HS3ST3B1: variants seen among roughly 807,000 people sequenced by gnomAD.
The protein encoded by HS3ST3B1 is heparan sulfate glucosamine 3-O-sulfotransferase 3B1.
A neutral mutation model predicts 21.3 loss-of-function variants in HS3ST3B1; 13 were observed. The ratio of observed to expected loss-of-function variants is 0.61; its 90% CI spans 0.40 to 0.97. The LOEUF is 0.97. Ranked by LOEUF, HS3ST3B1 falls within the 50% of genes least tolerant of loss-of-function variation. The pLI is 0.00. For synonymous variants in HS3ST3B1, 234 were observed against 254.8 expected (o/e 0.92, Z 0.78); for missense variants, 459 against 554.8 (o/e 0.83, Z 1.73).
chr17:14,307,474 A>G (rs1909172892), intron 1 of HS3ST3B1, among the ~76,000 whole-genome samples: 1 of 151,986 alleles, frequency 6.6e-6, no homozygotes, highest in Non-Finnish European at 1.5e-5. Context: ...CATTCCACAT[A>G]TGTATGCTGA....
chr17:14,322,073 C>T (rs1389662962), intron 1 of HS3ST3B1, among the ~76,000 whole-genome samples: 1 of 146,536 alleles, frequency 6.8e-6, no homozygotes, highest in African/African-American at 2.5e-5. Flanking sequence ...AAACCCAAAC[C>T]TTTTTTTTTT....
At chr17:14,304,951 T>C (rs1178307773) in intron 1 of HS3ST3B1, 3 of 152,204 alleles carry the variant, frequency 2.0e-5, no homozygotes, top group Non-Finnish European at 4.4e-5. Context: ...AGCCTGCTAG[T>C]GGCCTAACCA....
intron 1 of HS3ST3B1, among the ~76,000 whole-genome samples, chr17:14,337,067 A>G (rs1428367705): frequency 1.3e-5 from 2 of 152,162 alleles, no homozygotes; most frequent in South Asian, 4.1e-4. Context: ...ATACAAGCAT[A>G]AATTAGACAA....
At chr17:14,340,858 C>T (rs1910356135) in intron 1 of HS3ST3B1, among the ~76,000 whole-genome samples, 1 of 152,198 alleles carries the variant, frequency 6.6e-6, no homozygotes, top group Non-Finnish European at 1.5e-5. Flanking sequence ...GCTGGGATTC[C>T]AGGCGTGAGC....
chr17:14,301,335 C>T lies in HS3ST3B1; in HGVS notation c.-184C>T. ...CGGGCAACATGTCAAGAGCCGCCGC[C>T]GCTACAGCTGCCGCCGCCACCTGGG... On this transcript the variant is annotated 5_prime_UTR_variant, in exon 1 of 2. Transcript: ENST00000360954. 1.9e-6 allele frequency: 1 copy of T among 516,412 alleles called. No individual in the cohort carries two copies. The highest frequency in any genetic ancestry group is 3.2e-6 in the Non-Finnish European group (1 of 307,996). 32.0% of individuals were successfully genotyped at this position (516,412 alleles called of 1,614,324 possible).
Position 14,301,465 on chromosome 17 carries a change from C to A in HS3ST3B1, c.-54C>A, listed in dbSNP as rs1908914605. 1.5e-6 allele frequency: 2 copies of A among 1,375,594 alleles called. No individual in the cohort carries two copies. The highest frequency in any genetic ancestry group is 1.5e-5 in the African/African-American group (1 of 65,772). 85.2% of individuals were successfully genotyped at this position (1,375,594 alleles called of 1,614,324 possible). On this transcript the variant is annotated 5_prime_UTR_variant, in exon 1 of 2. Transcript: ENST00000360954. ...AACCCTCTCTGCGCTCACTGCCCGG[C>A]GGGACCCACGCCATGTGCTGAGCCA...
At chr17:14,342,071 G>A (rs1910402381) in intron 1 of HS3ST3B1, among the ~76,000 whole-genome samples, 1 of 152,180 alleles carries the variant, frequency 6.6e-6, no homozygotes, top group African/African-American at 2.4e-5. Flanking sequence ...CAGTCTGCAA[G>A]AAGGAGTGCC....
intron 1 of HS3ST3B1, among the ~76,000 whole-genome samples, chr17:14,333,400 A>G (rs1296914585): frequency 1.3e-5 from 2 of 151,730 alleles, no homozygotes; most frequent in Non-Finnish European, 2.9e-5. Context: ...CCGGGGAGGC[A>G]CAGGTGGCAG....
intron 1 of HS3ST3B1, among the ~76,000 whole-genome samples, chr17:14,336,309 T>C (rs1384416482): frequency 2.0e-5 from 3 of 152,180 alleles, no homozygotes; most frequent in African/African-American, 7.2e-5. Context: ...GTTCAAACAG[T>C]AACTTCAATT....
chr17:14,335,937 C>A (rs550577667), intron 1 of HS3ST3B1, among the ~76,000 whole-genome samples: 63 of 152,242 alleles, frequency 4.1e-4, no homozygotes, highest in Non-Finnish European at 7.2e-4. Flanking sequence ...ATTCTTGGAA[C>A]TGGACACCAA....
chr17:14,345,240 T>C lies in HS3ST3B1; in HGVS notation c.767T>C (p.Phe256Ser), dbSNP rs1200242194. 7.4e-7 allele frequency: 1 copy of C among 1,356,464 alleles called. No individual in the cohort carries two copies. The highest frequency in any genetic ancestry group is 1.4e-5 in the African/African-American group (1 of 71,506). The allele number at this position is 1,356,464 out of a possible 1,614,324, so 84.0% of individuals were successfully genotyped here. The change falls in exon 2 of 2, where the codon TTC becomes TCC. Residue 256 changes from phenylalanine (F) to serine (S), a missense_variant. This residue lies in a region of HS3ST3B1 where 127 missense variants were observed against 209.9 expected (regional missense o/e 0.60). Coordinates refer to ENST00000360954, the MANE Select transcript of HS3ST3B1 (RefSeq NM_006041.3). ...PDIPTFESLTFKNRTAGLIDT... is the reference protein window; with the variant it reads ...PDIPTFESLTSKNRTAGLIDT... Reference sequence around the variant, plus strand: ...ATCCCCACCTTCGAGAGCTTGACGTTCAAAAACAGGACAGCGGGCCTCATC... The same window carrying C: ...ATCCCCACCTTCGAGAGCTTGACGTCCAAAAACAGGACAGCGGGCCTCATC...
At chr17:14,343,636 T>C (rs917723476) in intron 1 of HS3ST3B1, among the ~76,000 whole-genome samples, 3 of 152,354 alleles carry the variant, frequency 2.0e-5, no homozygotes, top group Middle Eastern at 3.4e-3. Flanking sequence ...TGTCTTCCAG[T>C]TGCATTCATG....
chr17:14,335,886 T>C (rs939557297), intron 1 of HS3ST3B1, among the ~76,000 whole-genome samples: 3 of 152,210 alleles, frequency 2.0e-5, no homozygotes, highest in African/African-American at 7.2e-5. Context: ...TTCTCTATCT[T>C]GATGATAGTG....
At chr17:14,316,044 T>C (rs1260457103) in intron 1 of HS3ST3B1, among the ~76,000 whole-genome samples, 1 of 152,212 alleles carries the variant, frequency 6.6e-6, no homozygotes, top group Non-Finnish European at 1.5e-5. Flanking sequence ...AGATGCCAGC[T>C]TGGGCCATAT....
At chr17:14,335,693 C>CAA (rs577734801) in intron 1 of HS3ST3B1, among the ~76,000 whole-genome samples, 1 of 135,408 alleles carries the variant, frequency 7.4e-6, no homozygotes, top group African/African-American at 2.7e-5. Context: ...GACTCTGTCT[C>CAA]AAAAAAAAAA....
At position 14,347,986 on chromosome 17, in the gene HS3ST3B1, T is replaced by A. The variant is rs1910625910; in HGVS notation, c.*2340T>A. The A allele has an allele frequency of 2.6e-5, 4 of 152,194 alleles. No homozygotes were observed. In the South Asian group the frequency reaches 8.3e-4, roughly 32 times the overall value. The allele number at this position is 152,194 out of a possible 1,614,324, so 9.4% of individuals were successfully genotyped here. A position where few individuals can be genotyped will look rare whatever the true frequency, so the allele number is the denominator to read the frequency against. ...TATTTGAAATCAAACTGAGAACACCTCTTTTCGGTTTACAGCATAACATGG... is the reference window on the plus strand; with the variant it reads ...TATTTGAAATCAAACTGAGAACACCACTTTTCGGTTTACAGCATAACATGG... On this transcript the variant is annotated 3_prime_UTR_variant, in exon 2 of 2. Transcript: ENST00000360954.
At position 14,302,148 on chromosome 17, in the gene HS3ST3B1, G is replaced by A. The variant is rs1248070692; in HGVS notation, c.554+76G>A. On this transcript the variant is annotated intron_variant, in intron 1 of 1. Coordinates refer to ENST00000360954, the MANE Select transcript of HS3ST3B1 (RefSeq NM_006041.3). ...GCTAAGGGAGACATGGCGTATGATA[G>A]GGAATTGGCAGGGTTACAGCTTCGG... 8.8e-6 allele frequency: 13 copies of A among 1,478,720 alleles called. No individual in the cohort carries two copies. The East Asian group carries it at 3.2e-4, about 36-fold the overall frequency. The allele number at this position is 1,478,720 out of a possible 1,614,324, so 91.6% of individuals were successfully genotyped here.
At chr17:14,305,594 T>C (rs142617945) in intron 1 of HS3ST3B1, 1 of 152,352 alleles carries the variant, frequency 6.6e-6, no homozygotes, top group East Asian at 1.9e-4. Flanking sequence ...AGCCAAATAT[T>C]GTGTAATTAT....
Position 14,301,437 on chromosome 17 carries a change from G to T in HS3ST3B1, c.-82G>T. ...AGCCACCCGGGCGTCCAGCGTGCCG[G>T]GGAACCCTCTCTGCGCTCACTGCCC... On this transcript the variant is annotated 5_prime_UTR_variant, in exon 1 of 2. Coordinates refer to ENST00000360954, the MANE Select transcript of HS3ST3B1 (RefSeq NM_006041.3). 3 of 1,259,952 alleles carry T rather than the reference G, an allele frequency of 2.4e-6. No homozygotes were observed. The highest frequency in any genetic ancestry group is 2.0e-6 in the Non-Finnish European group (2 of 975,986). 78.0% of individuals were successfully genotyped at this position (1,259,952 alleles called of 1,614,324 possible).
Sources: gnomAD v4.1 joint callset for allele counts (sites outside exome capture counted in the v4.1 genomes callset) on GRCh38, gnomAD v4.1.1 for gene constraint, gnomAD v4.1.1 regional missense constraint, MANE v1.5 for transcripts, NCBI Gene and HGNC (gene_info 2026-07-23, HGNC 2026-07-21) for gene names.